Variants in SPAG16 observed in about 807,000 individuals in gnomAD.
The protein encoded by SPAG16 is sperm-associated antigen 16 protein.
A neutral mutation model predicts 80.4 loss-of-function variants in SPAG16; 86 were observed. The ratio of observed to expected loss-of-function variants is 1.07; its 90% CI spans 0.90 to 1.28. The LOEUF is 1.28. SPAG16 is among the 50% of genes most tolerant of loss of function. The pLI is 0.00. For synonymous variants in SPAG16, 294 were observed against 265.9 expected (o/e 1.11, Z -1.03); for missense variants, 870 against 765.3 (o/e 1.14, Z -1.61).
intron 12 of SPAG16, among the ~76,000 whole-genome samples, chr2:213,991,401 A>G (rs543693074): frequency 6.6e-6 from 1 of 152,172 alleles, no homozygotes; most frequent in African/African-American, 2.4e-5. Flanking sequence ...TCAGTCTATC[A>G]CTGATGGGCA....
chr2:213,428,312 C>T (rs2070073264), intron 9 of SPAG16, among the ~76,000 whole-genome samples: 1 of 152,120 alleles, frequency 6.6e-6, no homozygotes, highest in Non-Finnish European at 1.5e-5. Context: ...GAGAGAATAC[C>T]TTGCCCTTCC....
intron 10 of SPAG16, among the ~76,000 whole-genome samples, chr2:213,655,543 G>A (rs1277640433): frequency 6.6e-6 from 1 of 152,214 alleles, no homozygotes; most frequent in Non-Finnish European, 1.5e-5. Context: ...GGTATGGTAT[G>A]CTATGCTGTT....
chr2:213,368,255 T>C (rs995776721), intron 8 of SPAG16, among the ~76,000 whole-genome samples: 4 of 152,226 alleles, frequency 2.6e-5, no homozygotes, highest in African/African-American at 7.2e-5. Flanking sequence ...TGCTTAGGAT[T>C]GTCTTGGCTA....
At chr2:213,762,961 T>C (rs1168562673) in intron 10 of SPAG16, among the ~76,000 whole-genome samples, 1 of 152,054 alleles carries the variant, frequency 6.6e-6, no homozygotes, top group Non-Finnish European at 1.5e-5. Context: ...TAACCTTATT[T>C]AAAAATGGGC....
Position 213,435,451 on chromosome 2 carries a change from T to C in SPAG16, c.943-54512T>C, listed in dbSNP as rs570448859. Among the ~76,000 whole-genome samples, 58 of 152,290 alleles carry C rather than the reference T, an allele frequency of 3.8e-4. No individual in the cohort carries two copies. In the South Asian group the frequency reaches 0.011, roughly 30 times the overall value. ...ATGGGTACAATGTACATTATTCAAT[T>C]ACTGGTTACGCTGAAAGGCCCGACT... On this transcript the variant is annotated intron_variant, in intron 9 of 15. Transcript: ENST00000331683.
intron 12 of SPAG16, among the ~76,000 whole-genome samples, chr2:213,942,128 G>C (rs962191535): frequency 4.6e-5 from 7 of 151,750 alleles, no homozygotes; most frequent in Admixed American, 3.9e-4. Context: ...TCAATTTCTT[G>C]CCCCTCTCTT....
At chr2:213,992,447 T>A (rs2046330641) in intron 12 of SPAG16, among the ~76,000 whole-genome samples, 2 of 152,270 alleles carry the variant, frequency 1.3e-5, no homozygotes, top group Admixed American at 6.5e-5. Flanking sequence ...AAAAACACAT[T>A]TTTTGATATA....
intron 9 of SPAG16, chr2:213,396,571 C>A (rs911148360): frequency 2.2e-6 from 1 of 452,382 alleles, no homozygotes; most frequent in Non-Finnish European, 4.5e-6. Context: ...CTCTGTCTAA[C>A]TCCATGCCTC....
intron 7 of SPAG16, among the ~76,000 whole-genome samples, chr2:213,357,200 C>T (rs574548973): frequency 2.4e-4 from 36 of 152,020 alleles, no homozygotes; most frequent in Non-Finnish European, 3.2e-4. Context: ...TTAGAATAAG[C>T]GCGATATGGT....
chr2:213,705,554 T>A (rs1245012819), intron 10 of SPAG16, among the ~76,000 whole-genome samples: 2 of 152,126 alleles, frequency 1.3e-5, no homozygotes, highest in Non-Finnish European at 2.9e-5. Context: ...AGTGAAAAAC[T>A]TTTGGAATGA....
chr2:214,244,982 A>G (rs1689738552), intron 15 of SPAG16, among the ~76,000 whole-genome samples: 1 of 152,152 alleles, frequency 6.6e-6, no homozygotes, highest in East Asian at 1.9e-4. Flanking sequence ...ACATTTCCAA[A>G]CCTTTTACTA....
At position 213,294,444 on chromosome 2, in the gene SPAG16, G is replaced by A. The variant is rs1166817378; in HGVS notation, c.137-1620G>A. 2.6e-5 allele frequency among the ~76,000 whole-genome samples: 4 copies of A among 152,298 alleles called. No homozygotes were observed. The South Asian group carries it at 8.3e-4, about 32-fold the overall frequency. On this transcript the variant is annotated intron_variant, in intron 1 of 15. Coordinates refer to ENST00000331683, the MANE Select transcript of SPAG16 (RefSeq NM_024532.5). Reference sequence around the variant, plus strand: ...CTACAGTAATAGATAATTAATAAAGGAGGTATTTTACTCCTTGTAGTATTT... The same window carrying A: ...CTACAGTAATAGATAATTAATAAAGAAGGTATTTTACTCCTTGTAGTATTT...
intron 6 of SPAG16, among the ~76,000 whole-genome samples, chr2:213,347,364 GT>G (rs1378167139): frequency 6.6e-6 from 1 of 152,066 alleles, no homozygotes; most frequent in Non-Finnish European, 1.5e-5. Context: ...ATTTTGAAGG[GT>G]TTTTTGTGTC....
At chr2:214,138,381 C>G (rs1471277249) in intron 14 of SPAG16, among the ~76,000 whole-genome samples, 2 of 152,062 alleles carry the variant, frequency 1.3e-5, no homozygotes, top group African/African-American at 4.8e-5. Flanking sequence ...GATAAGAATT[C>G]TTCTCACGCC....
At chr2:213,785,939 G>A (rs939907938) in intron 10 of SPAG16, among the ~76,000 whole-genome samples, 3 of 150,212 alleles carry the variant, frequency 2.0e-5, no homozygotes, top group Non-Finnish European at 3.0e-5. Flanking sequence ...CCCGGGAGGC[G>A]GAGTTTGCAG....
intron 10 of SPAG16, among the ~76,000 whole-genome samples, chr2:213,799,358 T>A (rs2125632521): frequency 6.6e-6 from 1 of 152,288 alleles, no homozygotes; most frequent in South Asian, 2.1e-4. Context: ...TTTCCTAATT[T>A]CATTTTCAGT....
intron 10 of SPAG16, among the ~76,000 whole-genome samples, chr2:213,714,734 G>T (rs1288776319): frequency 6.6e-6 from 1 of 152,088 alleles, no homozygotes; most frequent in Non-Finnish European, 1.5e-5. Context: ...GCATTTCATA[G>T]GGAAAACTGA....
chr2:213,483,027 G>T (rs1253333721), intron 9 of SPAG16, among the ~76,000 whole-genome samples: 1 of 151,972 alleles, frequency 6.6e-6, no homozygotes, highest in Non-Finnish European at 1.5e-5. Context: ...TTAATATTTG[G>T]ACACACTTTA....
intron 10 of SPAG16, among the ~76,000 whole-genome samples, chr2:213,860,363 ATGTGTGTGTGTG>A (rs1387771321): frequency 4.0e-5 from 2 of 50,240 alleles, no homozygotes; most frequent in Admixed American, 2.6e-4. Context: ...ATATATATAT[ATGTGTGTGTGTG>A]TATATCTATA....
Sources: allele counts gnomAD v4.1 joint callset (sites outside exome capture counted in the v4.1 genomes callset), GRCh38; gene constraint gnomAD v4.1.1; transcripts MANE v1.5; gene names NCBI Gene and HGNC (gene_info 2026-07-23, HGNC 2026-07-21).